ATAD2B: variants seen among roughly 807,000 people sequenced by gnomAD.
ATAD2B encodes ATPase family AAA domain-containing protein 2B.
ATAD2B carries 40 observed loss-of-function variants against 167.6 expected under a neutral mutation model. The ratio of observed to expected loss-of-function variants is 0.24; its 90% CI spans 0.19 to 0.31. ATAD2B has a LOEUF of 0.31. ATAD2B is among the 10% of genes least tolerant of loss of function. The pLI, the probability that ATAD2B is intolerant of heterozygous loss-of-function variation, is 1.00. For synonymous variants in ATAD2B, 579 were observed against 596.5 expected (o/e 0.97, Z 0.43); for missense variants, 1,242 against 1,757.2 (o/e 0.71, Z 5.24).
At chr2:23,730,647 C>T in the ATAD2B span, among the ~76,000 whole-genome samples, 1 of 89,768 alleles carries the variant, frequency 1.1e-5, no homozygotes, top group Non-Finnish European at 2.0e-5. Context: ...GCCCGGGTGA[C>T]AGAGCAAGAC....
chr2:23,812,993 G>C (rs1217094364), intron 17 of ATAD2B, among the ~76,000 whole-genome samples: 1 of 152,074 alleles, frequency 6.6e-6, no homozygotes, highest in African/African-American at 2.4e-5. Flanking sequence ...AGAAACCAGG[G>C]CTCGTGGAGG....
At chr2:23,725,448 T>C in the ATAD2B span, among the ~76,000 whole-genome samples, 1 of 152,220 alleles carries the variant, frequency 6.6e-6, no homozygotes, top group Admixed American at 6.5e-5. Context: ...TTTGTGGCTA[T>C]TGGAAGCAAA....
In ATAD2B at chr2:23,849,839, C is replaced by A. The variant is rs564318174; in HGVS notation, c.1568+7576G>T. On this transcript the variant is annotated intron_variant, in intron 13 of 27. Coordinates refer to ENST00000238789, the MANE Select transcript of ATAD2B (RefSeq NM_017552.4). Reference sequence around the variant, plus strand: ...GAGACTCCGTCTCAAAAAAATAAAACCCCACAAAAGAGTCTGCTTAACACT... The same window carrying A: ...GAGACTCCGTCTCAAAAAAATAAAAACCCACAAAAGAGTCTGCTTAACACT... 1.1e-4 allele frequency among the ~76,000 whole-genome samples: 16 copies of A among 151,516 alleles called. No homozygotes were observed. The East Asian group carries it at 2.9e-3, about 28-fold the overall frequency.
the ATAD2B span, among the ~76,000 whole-genome samples, chr2:23,711,342 CTTTTTTTTTTTTTTTTTTTTTTTT>C: frequency 0.013 from 1,065 of 79,808 alleles, 38 homozygotes; most frequent in African/African-American, 0.051. Context: ...GAATTTCTTT[CTTTTTTTTTTTTTTTTTTTTTTTT>C]TTTTTTTTTT....
the ATAD2B span, among the ~76,000 whole-genome samples, chr2:23,725,027 A>G: frequency 2.9e-5 from 4 of 139,188 alleles, no homozygotes; most frequent in Non-Finnish European, 3.1e-5. Context: ...TGGACGACAG[A>G]GCAAGACTCT....
intron 19 of ATAD2B, among the ~76,000 whole-genome samples, chr2:23,797,098 C>G (rs17045922): frequency 0.018 from 2,691 of 152,178 alleles, 38 homozygotes; most frequent in Middle Eastern, 0.041. Context: ...AGCAAGATAA[C>G]TAATGAAAGC....
At chr2:23,808,497 C>T (rs942478765) in intron 18 of ATAD2B, among the ~76,000 whole-genome samples, 1 of 151,934 alleles carries the variant, frequency 6.6e-6, no homozygotes, top group African/African-American at 2.4e-5. Context: ...CCTACGTAAA[C>T]TTAGTTGCTA....
rs867777118 is a variant in ATAD2B, at chr2:23,870,650, G to A, written c.978-889C>T. Among the ~76,000 whole-genome samples, 128 of 98,060 alleles carry A rather than the reference G, an allele frequency of 1.3e-3. 2 individuals carry two copies. Among genetic ancestry groups the A allele is most frequent in the South Asian group, 7.8e-4 (2 of 2,554 alleles). The allele number at this position is 98,060 out of a possible 152,430, so 64.3% of individuals were successfully genotyped here. A position where few individuals can be genotyped will look rare whatever the true frequency, so the allele number is the denominator to read the frequency against. ...GGTCACTGTTTGATAAATAACATTA[G>A]AATCTCAGAAAAAAAAAAGTTTGGT... is the stretch of plus-strand genomic sequence containing the variant. On this transcript the variant is annotated intron_variant, in intron 8 of 27. Coordinates refer to ENST00000238789, the MANE Select transcript of ATAD2B (RefSeq NM_017552.4).
At position 23,869,646 on chromosome 2, in the gene ATAD2B, T is replaced by A; in HGVS notation, c.1076+17A>T. 1 of 1,513,274 alleles carries A rather than the reference T, an allele frequency of 6.6e-7. No individual in the cohort carries two copies. Among genetic ancestry groups the A allele is most frequent in the Non-Finnish European group, 9.0e-7 (1 of 1,111,532 alleles). The allele number at this position is 1,513,274 out of a possible 1,614,324, so 93.7% of individuals were successfully genotyped here. ...CCTTTTTTCTACCATGGAAATAACA[T>A]TACAAATTTTACTAACCTATTTCTT... On this transcript the variant is annotated intron_variant, in intron 9 of 27. Transcript: ENST00000238789.
chr2:23,723,422 G>A, the ATAD2B span, among the ~76,000 whole-genome samples: 4 of 134,650 alleles, frequency 3.0e-5, no homozygotes, highest in Non-Finnish European at 6.3e-5. Flanking sequence ...GAGGAGGGGA[G>A]AGGAGGAAAG....
chr2:23,750,812 A>G lies in ATAD2B; in HGVS notation c.*1234T>C, dbSNP rs1470627697. ...GTAACCCATAATTAATTTCAGATACATACAATTCACAGAAATCACTCAACA... is the reference window on the plus strand; with the variant it reads ...GTAACCCATAATTAATTTCAGATACGTACAATTCACAGAAATCACTCAACA... On this transcript the variant is annotated 3_prime_UTR_variant, in exon 28 of 28. Transcript: ENST00000238789. 1 of 152,190 alleles carries G rather than the reference A, an allele frequency of 6.6e-6. No homozygotes were observed. The highest frequency in any genetic ancestry group is 1.5e-5 in the Non-Finnish European group (1 of 68,004). The allele number at this position is 152,190 out of a possible 1,614,324, so 9.4% of individuals were successfully genotyped here. A position where few individuals can be genotyped will look rare whatever the true frequency, so the allele number is the denominator to read the frequency against.
At chr2:23,874,909 A>T (rs935690790) in intron 8 of ATAD2B, among the ~76,000 whole-genome samples, 6 of 151,328 alleles carry the variant, frequency 4.0e-5, no homozygotes, top group African/African-American at 1.5e-4. Flanking sequence ...ACAAAAAAAT[A>T]GCCAGGTGTG....
chr2:23,696,029 G>A, the ATAD2B span: 1 of 1,551,722 alleles, frequency 6.4e-7, no homozygotes, highest in Non-Finnish European at 8.7e-7. The surrounding 1 kb of genome is among the most constrained non-coding windows in gnomAD (Gnocchi z 5.5). Context: ...GCCGTCACCT[G>A]CTGGAACCCG....
intron 13 of ATAD2B, among the ~76,000 whole-genome samples, chr2:23,840,034 T>C (rs980341706): frequency 4.6e-5 from 7 of 152,172 alleles, no homozygotes; most frequent in African/African-American, 1.7e-4. Context: ...TATTGTGAGA[T>C]TCATCCATGT....
At chr2:23,909,692 C>T (rs1701993214) in intron 1 of ATAD2B, among the ~76,000 whole-genome samples, 1 of 151,780 alleles carries the variant, frequency 6.6e-6, no homozygotes, top group Admixed American at 6.6e-5. Context: ...GAAAAAGGCC[C>T]TTTTTTTCTG....
chr2:23,797,647 C>A (rs966656454), intron 19 of ATAD2B, among the ~76,000 whole-genome samples: 1 of 152,004 alleles, frequency 6.6e-6, no homozygotes, highest in Admixed American at 6.6e-5. Flanking sequence ...ATATATATAA[C>A]GAGATTATCT....
the ATAD2B span, among the ~76,000 whole-genome samples, chr2:23,726,460 G>A: frequency 6.6e-6 from 1 of 152,090 alleles, no homozygotes; most frequent in African/African-American, 2.4e-5. Flanking sequence ...ATAATGAAGA[G>A]AAAATATATT....
At chr2:23,904,971 TA>T (rs1701303692) in intron 1 of ATAD2B, among the ~76,000 whole-genome samples, 2 of 152,224 alleles carry the variant, frequency 1.3e-5, no homozygotes, top group South Asian at 4.1e-4. Context: ...TAAAATGTTC[TA>T]AATTTTTCTC....
At chr2:23,798,934 CT>C (rs1683031282) in intron 18 of ATAD2B, among the ~76,000 whole-genome samples, 1 of 152,154 alleles carries the variant, frequency 6.6e-6, no homozygotes, top group South Asian at 2.1e-4. Flanking sequence ...TAGCAAAGAG[CT>C]CTGCGACACT....
Sources: allele counts gnomAD v4.1 joint callset (sites outside exome capture counted in the v4.1 genomes callset), GRCh38; gene constraint gnomAD v4.1.1; non-coding constraint Gnocchi (gnomAD v3.1); transcripts MANE v1.5; gene names NCBI Gene and HGNC (gene_info 2026-07-23, HGNC 2026-07-21).